The following ZNF331 variants were observed in gnomAD, a reference collection of about 807,000 sequenced individuals.
ZNF331 encodes zinc finger protein 331, also known as C2H2-like zinc finger protein rearranged in thyroid adenomas.
Under a neutral mutation model 7.0 loss-of-function variants are expected in ZNF331, and 2 were observed. The observed-to-expected ratio is 0.29, with a 90% CI of 0.12 to 0.90. The LOEUF (loss-of-function observed/expected upper bound fraction) is 0.90, where lower values mean the gene tolerates loss of function less well. Among genes scored for constraint, ZNF331 ranks in the 40% least tolerant of loss-of-function variants. ZNF331 has a pLI of 0.58. For synonymous variants in ZNF331, 196 were observed against 205.4 expected (o/e 0.95, Z 0.39); for missense variants, 432 against 587.7 (o/e 0.74, Z 2.74).
At chr19:53,515,538 C>T (rs2064088047), upstream of ZNF331, among the ~76,000 whole-genome samples, 1 of 152,200 alleles carries the variant, frequency 6.6e-6, no homozygotes. Flanking sequence ...GTTCTTGTTG[C>T]CCAGGCTGGA....
chr19:53,526,381 G>A (rs56033336), intron 2 of ZNF331, among the ~76,000 whole-genome samples: 12,520 of 152,124 alleles, frequency 0.082, 591 homozygotes, highest in Non-Finnish European at 0.11. Context: ...TCAGCAGTGA[G>A]GGCATCAGGT....
chr19:53,544,865 C>T (rs1330175513), intron 2 of ZNF331, among the ~76,000 whole-genome samples: 11 of 151,766 alleles, frequency 7.2e-5, no homozygotes, highest in East Asian at 1.9e-4. Flanking sequence ...TCCTGAGTAG[C>T]GGGGATTACA....
intron 3 of ZNF331, among the ~76,000 whole-genome samples, chr19:53,556,242 CAAAA>C (rs1160118053): frequency 3.5e-5 from 3 of 84,944 alleles, no homozygotes; most frequent in African/African-American, 4.4e-5. Flanking sequence ...GACTCCATCT[CAAAA>C]AAAAAAAAAA....
intron 5 of ZNF331, among the ~76,000 whole-genome samples, chr19:53,575,495 G>A (rs1358285379): frequency 8.9e-6 from 1 of 112,846 alleles, no homozygotes; most frequent in Admixed American, 8.9e-5. Flanking sequence ...CTTTTACCCA[G>A]TTGCTTTTTT....
At chr19:53,559,073 C>T (rs2089632658) in intron 3 of ZNF331, among the ~76,000 whole-genome samples, 1 of 151,124 alleles carries the variant, frequency 6.6e-6, no homozygotes, top group African/African-American at 2.4e-5. Context: ...ACCCCGTATA[C>T]ACACATATAC....
intron 3 of ZNF331, among the ~76,000 whole-genome samples, chr19:53,559,347 C>G (rs1568511770): frequency 6.6e-6 from 1 of 151,030 alleles, no homozygotes; most frequent in South Asian, 2.1e-4. Context: ...CACACATATA[C>G]ACACCATACA....
intron 2 of ZNF331, chr19:53,523,391 G>C (rs964824329): frequency 6.6e-6 from 1 of 151,632 alleles, no homozygotes; most frequent in African/African-American, 2.4e-5. Flanking sequence ...GCTAATTTTT[G>C]TATTTTTAGT....
chr19:53,503,639 C>A, the ZNF331 span: 1 of 699,642 alleles, frequency 1.4e-6, no homozygotes, highest in Non-Finnish European at 2.6e-6. Context: ...ATGTAAATTT[C>A]TTTTTTGTGT....
intron 2 of ZNF331, among the ~76,000 whole-genome samples, chr19:53,547,026 T>G (rs1473011407): frequency 2.0e-5 from 3 of 152,176 alleles, no homozygotes; most frequent in Non-Finnish European, 2.9e-5. Flanking sequence ...TACTGCAGAT[T>G]AAATCAAGCT....
upstream of ZNF331, among the ~76,000 whole-genome samples, chr19:53,515,494 T>G (rs1012823968): frequency 8.5e-5 from 13 of 152,276 alleles, no homozygotes; most frequent in South Asian, 4.1e-4. Context: ...ACTGACTTTG[T>G]TTGGTTGGTT....
rs1222196146 is a variant in ZNF331 at position 53,571,428 on chromosome 19, A to C, written c.10-176A>C. Among the ~76,000 whole-genome samples, 1 of 152,138 alleles carries C rather than the reference A, an allele frequency of 6.6e-6. No individual in the cohort carries two copies. Among genetic ancestry groups the C allele is most frequent in the Non-Finnish European group, 1.5e-5 (1 of 68,018 alleles). ...TGCAGCGGTAGAGCTCTTCAGTGACATGCAGGCATTCTGCTTCCGTCACAG... is the reference window on the plus strand; with the variant it reads ...TGCAGCGGTAGAGCTCTTCAGTGACCTGCAGGCATTCTGCTTCCGTCACAG... On this transcript the variant is annotated intron_variant, in intron 4 of 5. Transcript: ENST00000449416. This position sits in a 1 kb window ranked among gnomAD's most constrained non-coding sequence, Gnocchi z 4.7.
At chr19:53,521,685 CCTTTG>C (rs573495064) in exon 1 of ZNF331, 63 of 152,756 alleles carry the variant, frequency 4.1e-4, no homozygotes, top group African/African-American at 1.2e-3. Context: ...CTGAAATGTG[CCTTTG>C]CACTTCTGTC....
chr19:53,534,294 CT>C (rs370366842), upstream of ZNF331, among the ~76,000 whole-genome samples: 77 of 147,064 alleles, frequency 5.2e-4, no homozygotes, highest in East Asian at 4.9e-3. Context: ...CCCCATCCTA[CT>C]TTTTTTTTTT....
chr19:53,507,087 T>C, the ZNF331 span, among the ~76,000 whole-genome samples: 1 of 152,154 alleles, frequency 6.6e-6, no homozygotes, highest in Non-Finnish European at 1.5e-5. Context: ...GGGGCAGGCT[T>C]ATTGAAAGTA....
intron 5 of ZNF331, 44 bp from the exon 6 acceptor site, chr19:53,576,653 C>T (rs751046137): frequency 4.8e-5 from 73 of 1,534,262 alleles, no homozygotes; most frequent in African/African-American, 1.3e-4. Context: ...TTCGTTTGTA[C>T]TTGTGTCCCT....
intron 2 of ZNF331, chr19:53,523,466 G>A (rs929228431): frequency 6.6e-6 from 1 of 151,986 alleles, no homozygotes; most frequent in African/African-American, 2.4e-5. Context: ...TTATCTGCCC[G>A]CCTCAGCCTC....
chr19:53,557,443 T>C (rs2089507961), intron 3 of ZNF331, among the ~76,000 whole-genome samples: 1 of 152,204 alleles, frequency 6.6e-6, no homozygotes, highest in Non-Finnish European at 1.5e-5. Context: ...ATCCTATTCC[T>C]GAGCACTCCT....
upstream of ZNF331, among the ~76,000 whole-genome samples, chr19:53,516,149 ATTAAAATATGTAT>A (rs1220001584): frequency 6.6e-6 from 1 of 152,128 alleles, no homozygotes; most frequent in Non-Finnish European, 1.5e-5. Context: ...TAGACTGCTC[ATTAAAATATGTAT>A]TTATTGGGCC....
chr19:53,525,746 C>G (rs937650184), intron 2 of ZNF331, among the ~76,000 whole-genome samples: 1 of 152,154 alleles, frequency 6.6e-6, no homozygotes, highest in Admixed American at 6.5e-5. Context: ...CAAACAGGAA[C>G]AGTATAACTT....
Sources: allele counts gnomAD v4.1 joint callset (sites outside exome capture counted in the v4.1 genomes callset), GRCh38; gene constraint gnomAD v4.1.1; non-coding constraint Gnocchi (gnomAD v3.1); transcripts MANE v1.5; gene names NCBI Gene and HGNC (gene_info 2026-07-23, HGNC 2026-07-21).